OSBPL1A: variants seen among roughly 807,000 people sequenced by gnomAD.
OSBPL1A encodes oxysterol binding protein like 1A, also known as oxysterol-binding protein-related protein 1.
OSBPL1A carries 80 observed loss-of-function variants against 137.1 expected under a neutral mutation model. The ratio of observed to expected loss-of-function variants is 0.58; its 90% CI spans 0.49 to 0.70. OSBPL1A has a LOEUF of 0.70. Ranked by LOEUF, OSBPL1A falls within the 30% of genes least tolerant of loss-of-function variation. OSBPL1A has a pLI of 0.00. For synonymous variants in OSBPL1A, 365 were observed against 389.7 expected, an observed-to-expected ratio of 0.94 and a Z score of 0.75; for missense variants, 970 against 1,129.4, an observed-to-expected ratio of 0.86 and a Z score of 2.02.
At position 24,250,215 on chromosome 18, in the gene OSBPL1A, C is replaced by T. The variant is rs141723058; in HGVS notation, c.1282-10833G>A. On this transcript the variant is annotated intron_variant, in intron 15 of 27. Transcript: ENST00000319481. ...TTTTTGACATGGAGTCTCACTCCGTCGCCCAGACTGGAGAGCAGTAGTGTG... is the reference window on the plus strand; with the variant it reads ...TTTTTGACATGGAGTCTCACTCCGTTGCCCAGACTGGAGAGCAGTAGTGTG... 3.1e-3 allele frequency among the ~76,000 whole-genome samples: 471 copies of T among 150,226 alleles called. 1 individual carries two copies. Among genetic ancestry groups the T allele is most frequent in the African/African-American group, 0.011 (456 of 41,176 alleles).
At chr18:24,175,116 A>G (rs1489579456) in intron 21 of OSBPL1A, among the ~76,000 whole-genome samples, 1 of 32,786 alleles carries the variant, frequency 3.1e-5, no homozygotes, top group Non-Finnish European at 1.2e-4. Flanking sequence ...ATGTATATAT[A>G]TATATATATA....
intron 17 of OSBPL1A, among the ~76,000 whole-genome samples, chr18:24,214,539 C>A (rs2087637424): frequency 6.6e-6 from 1 of 152,184 alleles, no homozygotes; most frequent in Non-Finnish European, 1.5e-5. Context: ...AAGGTCATGT[C>A]TCAGAACTTG....
At chr18:24,316,806 A>C (rs564916975) in intron 11 of OSBPL1A, among the ~76,000 whole-genome samples, 1 of 152,322 alleles carries the variant, frequency 6.6e-6, no homozygotes, top group Non-Finnish European at 1.5e-5. Flanking sequence ...CAATAGCAAA[A>C]CAACCAACAA....
rs764348115 is a variant in OSBPL1A, at chr18:24,239,245, C to T, written c.1419G>A (p.Glu473=). 1.2e-6 allele frequency: 2 copies of T among 1,613,832 alleles called. No individual in the cohort carries two copies. Among genetic ancestry groups the T allele is most frequent in the Non-Finnish European group, 8.5e-7 (1 of 1,179,928 alleles). The stretch of plus-strand genomic sequence containing the variant: ...CTGACAGCGCATCATAGAACTCGTC[C>T]TCGCTAAGGATGCTGGCGGGTGGAG... ...KGSPPASILS[E]DEFYDALSDS... The change falls in exon 16 of 28, where the codon GAG becomes GAA. Residue 473 remains glutamate, a synonymous_variant. Transcript: ENST00000319481.
intron 4 of OSBPL1A, among the ~76,000 whole-genome samples, chr18:24,353,014 C>G (rs1178456882): frequency 1.3e-5 from 2 of 152,144 alleles, no homozygotes; most frequent in African/African-American, 4.8e-5. Flanking sequence ...TGGGCAAGGA[C>G]TTCATGTCTA....
chr18:24,353,271 A>C (rs1370711972), intron 4 of OSBPL1A, among the ~76,000 whole-genome samples: 2 of 152,234 alleles, frequency 1.3e-5, no homozygotes, highest in African/African-American at 4.8e-5. Context: ...ATGAACAGAC[A>C]CTTCTAAAAA....
chr18:24,271,883 C>A lies in OSBPL1A; in HGVS notation c.1281+8959G>T. On this transcript the variant is annotated intron_variant, in intron 15 of 27. Coordinates refer to ENST00000319481, the MANE Select transcript of OSBPL1A (RefSeq NM_080597.4). The surrounding 1 kb of genome is among the most constrained non-coding windows in gnomAD (Gnocchi z 4.0). The stretch of plus-strand genomic sequence containing the variant: ...CGTTGCCCGCCAGCGGCCCAGGACT[C>A]CCGCGCCGCGCCCGCCCGGGCCGCA... 2 of 984,846 alleles carry A rather than the reference C, an allele frequency of 2.0e-6. No individual in the cohort carries two copies. The highest frequency in any genetic ancestry group is 2.4e-6 in the Non-Finnish European group (2 of 829,800). 61.0% of individuals were successfully genotyped at this position (984,846 alleles called of 1,614,324 possible). A position where few individuals can be genotyped will look rare whatever the true frequency, so the allele number is the denominator to read the frequency against.
intron 15 of OSBPL1A, among the ~76,000 whole-genome samples, chr18:24,272,666 A>G (rs912613544): frequency 1.3e-5 from 2 of 152,190 alleles, no homozygotes; most frequent in African/African-American, 2.4e-5. Context: ...TCACCTTACT[A>G]AAGTGTTTAA....
chr18:24,315,262 G>A (rs1338730221), intron 11 of OSBPL1A, among the ~76,000 whole-genome samples: 1 of 152,102 alleles, frequency 6.6e-6, no homozygotes, highest in East Asian at 1.9e-4. Context: ...CATTAATAAA[G>A]CAAACCTGGG....
At chr18:24,259,149 C>T (rs1338184843) in intron 15 of OSBPL1A, among the ~76,000 whole-genome samples, 2 of 151,846 alleles carry the variant, frequency 1.3e-5, no homozygotes, top group African/African-American at 2.4e-5. Context: ...CCTCGTGATC[C>T]GCCTGCCTCG....
At chr18:24,171,779 C>G (rs2086293672) in intron 22 of OSBPL1A, among the ~76,000 whole-genome samples, 1 of 152,084 alleles carries the variant, frequency 6.6e-6, no homozygotes, top group African/African-American at 2.4e-5. Flanking sequence ...CTCCCTGGCC[C>G]CCACTAAACA....
Position 24,239,234 on chromosome 18 carries a change from T to C in OSBPL1A, c.1430A>G (p.Tyr477Cys), listed in dbSNP as rs200484999. ...PASILSEDEF[Y>C]DALSDSESER... ...CCCAGAGTTACCTGACAGCGCATCA[T>C]AGAACTCGTCCTCGCTAAGGATGCT... Residue 477 changes from tyrosine to cysteine, a missense_variant, in exon 16 of 28, where the codon TAT becomes TGT. Coordinates refer to ENST00000319481, the MANE Select transcript of OSBPL1A (RefSeq NM_080597.4). 24 of 1,613,870 alleles carry C rather than the reference T, an allele frequency of 1.5e-5. No individual in the cohort carries two copies. The Admixed American group carries it at 2.5e-4, about 17-fold the overall frequency.
chr18:24,373,272 G>A (rs1053382678), intron 2 of OSBPL1A, among the ~76,000 whole-genome samples: 2 of 152,060 alleles, frequency 1.3e-5, no homozygotes, highest in African/African-American at 4.8e-5. Context: ...GGTATTACTG[G>A]GGAATATTCG....
At position 24,225,219 on chromosome 18, in the gene OSBPL1A, A is replaced by G. The variant is rs764469057; in HGVS notation, c.1445-21T>C. On this transcript the variant is annotated intron_variant, in intron 16 of 27. Coordinates refer to ENST00000319481, the MANE Select transcript of OSBPL1A (RefSeq NM_080597.4). ...GGAATCTGTGGCAGAGCAGGTTCATAGTTAATGAATTGAACTTGGGTGTGA... is the reference window on the plus strand; with the variant it reads ...GGAATCTGTGGCAGAGCAGGTTCATGGTTAATGAATTGAACTTGGGTGTGA... 3.1e-6 allele frequency: 5 copies of G among 1,613,634 alleles called. No individual in the cohort carries two copies. In the Admixed American group the frequency reaches 6.7e-5, roughly 22 times the overall value.
intron 13 of OSBPL1A, among the ~76,000 whole-genome samples, chr18:24,304,875 C>T (rs1341822058): frequency 6.6e-6 from 1 of 152,180 alleles, no homozygotes; most frequent in Non-Finnish European, 1.5e-5. Context: ...AGGGCTCTAA[C>T]AACACCTACG....
intron 4 of OSBPL1A, among the ~76,000 whole-genome samples, chr18:24,349,977 C>T (rs2091410333): frequency 6.6e-6 from 1 of 152,110 alleles, no homozygotes; most frequent in South Asian, 2.1e-4. Flanking sequence ...AAACCTAATT[C>T]GCAGGTTTAA....
At chr18:24,163,416 A>G (rs1387084419) in intron 27 of OSBPL1A, 135 bp from the exon 28 acceptor site, 2 of 593,908 alleles carry the variant, frequency 3.4e-6, no homozygotes, top group African/African-American at 3.8e-5. Context: ...GAGATGCTGA[A>G]GTGATGCTGT....
intron 17 of OSBPL1A, among the ~76,000 whole-genome samples, chr18:24,202,827 T>A (rs904577504): frequency 2.6e-5 from 4 of 152,234 alleles, no homozygotes; most frequent in African/African-American, 9.6e-5. Context: ...CGCTTGGTAA[T>A]CTTGACCTTA....
intron 19 of OSBPL1A, among the ~76,000 whole-genome samples, 200 bp from the exon 20 acceptor site, chr18:24,180,035 C>T (rs2086559201): frequency 6.6e-6 from 1 of 152,234 alleles, no homozygotes; most frequent in African/African-American, 2.4e-5. Flanking sequence ...TTGCTTCCTA[C>T]AGTGTTATTC....
Sources: allele counts gnomAD v4.1 joint callset (sites outside exome capture counted in the v4.1 genomes callset), GRCh38; gene constraint gnomAD v4.1.1; non-coding constraint Gnocchi (gnomAD v3.1); transcripts MANE v1.5; gene names NCBI Gene and HGNC (gene_info 2026-07-23, HGNC 2026-07-21).